The following TRPM7 variants were observed in gnomAD, a reference collection of about 807,000 sequenced individuals.
TRPM7 encodes transient receptor potential cation channel subfamily M member 7.
A neutral mutation model predicts 229.7 loss-of-function variants in TRPM7; 134 were observed. The observed-to-expected ratio is 0.58, with a 90% CI of 0.51 to 0.67. The LOEUF (loss-of-function observed/expected upper bound fraction) is 0.67. TRPM7 is among the 30% of genes least tolerant of loss of function. The pLI is 0.00. For synonymous variants in TRPM7, 699 were observed against 715.2 expected, an observed-to-expected ratio of 0.98 and a Z score of 0.36; for missense variants, 1,901 against 2,210.0, an observed-to-expected ratio of 0.86 and a Z score of 2.80.
rs532315385 is a variant in TRPM7 at position 50,633,621 on chromosome 15, G to A, written c.1008-629C>T. ...TTCCTTTTTGCATGTACATATTTTG[G>A]TAATCTTCTCAAAACCATTCTTACT... On this transcript the variant is annotated intron_variant, in intron 8 of 38. Coordinates refer to ENST00000646667, the MANE Select transcript of TRPM7 (RefSeq NM_017672.6). Among the ~76,000 whole-genome samples the A allele has an allele frequency of 2.6e-5, 4 of 152,076 alleles. No individual in the cohort carries two copies. The South Asian group carries it at 8.3e-4, about 32-fold the overall frequency.
At position 50,607,158 on chromosome 15, in the gene TRPM7, T is replaced by C. The variant is rs374962014; in HGVS notation, c.2709+42A>G. On this transcript the variant is annotated intron_variant, in intron 20 of 38. Transcript: ENST00000646667. ...ACAAAACAAAACAGAAAATCTTCCA[T>C]GTATACAGTAAATTATTGGTAGAAA... The C allele has an allele frequency of 2.2e-5, 35 of 1,572,750 alleles. No individual in the cohort carries two copies. In the African/African-American group the frequency reaches 4.6e-4, roughly 21 times the overall value.
At chr15:50,685,386 G>A (rs2062334548) in intron 1 of TRPM7, among the ~76,000 whole-genome samples, 1 of 152,240 alleles carries the variant, frequency 6.6e-6, no homozygotes, top group Non-Finnish European at 1.5e-5. Flanking sequence ...GAATCCCGGA[G>A]GCGGATGTTG....
chr15:50,603,193 G>A (rs1393930472), intron 21 of TRPM7, among the ~76,000 whole-genome samples: 1 of 152,176 alleles, frequency 6.6e-6, no homozygotes, highest in African/African-American at 2.4e-5. Flanking sequence ...AAACAGTGCA[G>A]CGTGAAAGTG....
Position 50,574,364 on chromosome 15 carries a change from G to C in TRPM7, c.5218C>G (p.Pro1740Ala). 1 of 1,613,518 alleles carries C rather than the reference G, an allele frequency of 6.2e-7. No homozygotes were observed. Among genetic ancestry groups the C allele is most frequent in the South Asian group, 1.1e-5 (1 of 91,058 alleles). Residue 1740 changes from proline (P) to alanine (A), a missense_variant, in exon 36 of 39, where the codon CCA becomes GCA. By Grantham distance (27) the Pro-to-Ala change is conservative (BLOSUM62 -1). Around this residue, in one of 8 missense-constraint regions of TRPM7, gnomAD observed 257 missense variants for 352.0 expected, o/e 0.73. Coordinates refer to ENST00000646667, the MANE Select transcript of TRPM7 (RefSeq NM_017672.6). ...YNNNNGDEII[P>A]TNTLEEIMLA... ...ATGATCTCTTCCAGAGTATTAGTTG[G>C]AATAATCTCATCTCCATTATTATTG...
At chr15:50,628,549 T>TA (rs1392596893) in intron 10 of TRPM7, among the ~76,000 whole-genome samples, 1 of 152,148 alleles carries the variant, frequency 6.6e-6, no homozygotes, top group Non-Finnish European at 1.5e-5. Context: ...CAAGTGATCC[T>TA]GCCACTTCGG....
rs776093685 is a variant in TRPM7, at chr15:50,592,642, AAGCTTTTTTTACAAATGTGAAAAAAT to A, written c.3609-42_3609-17del. 8 of 1,479,238 alleles carry A rather than the reference AAGCTTTTTTTACAAATGTGAAAAAAT, an allele frequency of 5.4e-6. No homozygotes were observed. The highest frequency in any genetic ancestry group is 6.3e-6 in the Non-Finnish European group (7 of 1,107,780). 91.6% of individuals were successfully genotyped at this position (1,479,238 alleles called of 1,614,324 possible). A position where few individuals can be genotyped will look rare whatever the true frequency, so the allele number is the denominator to read the frequency against. Reference sequence around the variant, plus strand: ...CTGTTCCACTCTGTAGGAGAGAAATAAGCTTTTTTTACAAATGTGAAAAAATAATGTAGAATTTTATTTTGTAGCCT... The same window carrying A: ...CTGTTCCACTCTGTAGGAGAGAAATAAATGTAGAATTTTATTTTGTAGCCT... On this transcript the variant is annotated splice_polypyrimidine_tract_variant and intron_variant, in intron 25 of 38. Coordinates refer to ENST00000646667, the MANE Select transcript of TRPM7 (RefSeq NM_017672.6).
intron 1 of TRPM7, among the ~76,000 whole-genome samples, chr15:50,673,477 G>A (rs771536109): frequency 3.9e-5 from 6 of 151,926 alleles, no homozygotes; most frequent in African/African-American, 9.7e-5. Context: ...ATGCCTTTGC[G>A]TCCTCATAGC....
At chr15:50,586,633 G>A in intron 27 of TRPM7, 145 bp from the exon 28 acceptor site, 3 of 488,166 alleles carry the variant, frequency 6.1e-6, no homozygotes, top group Non-Finnish European at 1.1e-5. Context: ...TATAGATTAT[G>A]GTTATTTTCT....
rs2059512703 is a variant in TRPM7 at position 50,592,034 on chromosome 15, A to G, written c.4201T>C (p.Phe1401Leu). 1 of 1,613,392 alleles carries G rather than the reference A, an allele frequency of 6.2e-7. No individual in the cohort carries two copies. The highest frequency in any genetic ancestry group is 1.7e-5 in the Admixed American group (1 of 59,958). The part of the protein sequence containing the change: ...IPHLSSPPTK[F>L]FVSTPSQPSC... ...GGCTGAGATGGTGTACTAACAAAAA[A>G]TTTGGTTGGTGGGGATGACAGATGT... Residue 1401 changes from phenylalanine to leucine, a missense_variant, in exon 26 of 39, where the codon TTT (phenylalanine) becomes CTT (leucine). Coordinates refer to ENST00000646667, the MANE Select transcript of TRPM7 (RefSeq NM_017672.6).
Position 50,570,167 on chromosome 15 carries a change from TA to T in TRPM7, c.5309-13del. ...ATTTTCACCAACACCTTTATATGTG[TA>T]TATAAAAAAGACAAATAATTTATAT... is the stretch of plus-strand genomic sequence containing the variant. On this transcript the variant is annotated splice_polypyrimidine_tract_variant and intron_variant, in intron 36 of 38. Transcript: ENST00000646667. 2 of 1,566,856 alleles carry T rather than the reference TA, an allele frequency of 1.3e-6. No homozygotes were observed. The highest frequency in any genetic ancestry group is 1.7e-6 in the Non-Finnish European group (2 of 1,152,158).
intron 27 of TRPM7, among the ~76,000 whole-genome samples, chr15:50,588,721 A>G (rs2059405817): frequency 6.6e-6 from 1 of 152,226 alleles, no homozygotes; most frequent in Non-Finnish European, 1.5e-5. Flanking sequence ...ATCTTGTTGT[A>G]GCCACATTAC....
At chr15:50,615,846 A>G (rs574939544) in intron 13 of TRPM7, among the ~76,000 whole-genome samples, 1 of 152,158 alleles carries the variant, frequency 6.6e-6, no homozygotes. Flanking sequence ...CAGTGAGCCA[A>G]GTTCACACCA....
chr15:50,559,773 TAGC>T lies in TRPM7; in HGVS notation c.*1902_*1904del, dbSNP rs1419528807. ...TACACAGTAGGCACTAAATAAGTGT[TAGC>T]AGCCAGGTGCGGTGGCTCACAAGGT... is the stretch of plus-strand genomic sequence containing the variant. On this transcript the variant is annotated 3_prime_UTR_variant, in exon 39 of 39. Transcript: ENST00000646667. 6.6e-6 allele frequency: 1 copy of T among 151,906 alleles called. No homozygotes were observed. The highest frequency in any genetic ancestry group is 1.9e-4 in the East Asian group (1 of 5,190). The allele number at this position is 151,906 out of a possible 1,614,324, so 9.4% of individuals were successfully genotyped here.
At chr15:50,601,766 T>A (rs1216835037) in intron 21 of TRPM7, among the ~76,000 whole-genome samples, 1 of 152,102 alleles carries the variant, frequency 6.6e-6, no homozygotes, top group Non-Finnish European at 1.5e-5. Flanking sequence ...AAAGATGTAT[T>A]AGGTTGATGC....
chr15:50,643,814 A>T (rs1425554162), intron 4 of TRPM7, among the ~76,000 whole-genome samples: 2 of 152,150 alleles, frequency 1.3e-5, no homozygotes, highest in Non-Finnish European at 2.9e-5. Flanking sequence ...TTCTGTTTAA[A>T]CTCAATTACC....
chr15:50,631,312 T>C (rs1278025510), intron 10 of TRPM7, 105 bp downstream of exon 10: 1 of 496,588 alleles, frequency 2.0e-6, no homozygotes, highest in African/African-American at 2.0e-5. Flanking sequence ...TTAGCCATGG[T>C]AAAAGGTTTT....
At chr15:50,621,653 A>G (rs2060410882) in intron 12 of TRPM7, among the ~76,000 whole-genome samples, 1 of 152,224 alleles carries the variant, frequency 6.6e-6, no homozygotes, top group African/African-American at 2.4e-5. Context: ...ACGAGAATCC[A>G]GCTGCTTTTA....
intron 22 of TRPM7, 99 bp from the exon 23 acceptor site, chr15:50,596,480 A>T (rs1157929286): frequency 9.9e-7 from 1 of 1,010,134 alleles, no homozygotes; most frequent in African/African-American, 1.7e-5. Flanking sequence ...ATTTACTTAA[A>T]GTAAGTTTCG....
At chr15:50,570,398 T>C (rs2053819913) in intron 36 of TRPM7, among the ~76,000 whole-genome samples, 1 of 151,802 alleles carries the variant, frequency 6.6e-6, no homozygotes, top group Non-Finnish European at 1.5e-5. Flanking sequence ...AACGTCAGAG[T>C]TGGTAGGTAG....
Sources: gnomAD v4.1 joint callset for allele counts (sites outside exome capture counted in the v4.1 genomes callset) on GRCh38, gnomAD v4.1.1 for gene constraint, gnomAD v4.1.1 regional missense constraint, MANE v1.5 for transcripts, NCBI Gene and HGNC (gene_info 2026-07-23, HGNC 2026-07-21) for gene names.